Variants in TBCK observed in about 807,000 individuals in gnomAD.
TBCK encodes the protein TBC domain-containing protein kinase-like protein.
In TBCK, 99 loss-of-function variants were observed where a neutral mutation model predicts 113.4. That is an observed-to-expected ratio of 0.87 (90% CI 0.74 to 1.03). The LOEUF is 1.03. TBCK is among the 50% of genes least tolerant of loss of function. The pLI, the probability that TBCK is intolerant of heterozygous loss-of-function variation, is 0.00. For missense variants in TBCK, 1,045 were observed against 1,061.3 expected (o/e 0.98, Z 0.21); for synonymous variants, 369 against 370.8 (o/e 1.00, Z 0.05).
In TBCK at chr4:106,171,134, A is replaced by G; in HGVS notation, c.2196T>C (p.Tyr732=). 1 of 1,612,522 alleles carries G rather than the reference A, an allele frequency of 6.2e-7. No individual in the cohort carries two copies. Among genetic ancestry groups the G allele is most frequent in the Non-Finnish European group, 8.5e-7 (1 of 1,179,378 alleles). ...GAGGATCTGGACACTCAGCAGAGAA[A>G]TAAGGTGCCGAACTTCTGCCTCCAC... The part of the protein sequence containing the change: ...DSSGGRSSAP[Y]FSAECPDPPK... The change falls in exon 23 of 26, where the codon TAT becomes TAC. Residue 732 remains tyrosine, a synonymous_variant. Transcript: ENST00000394708.
At chr4:106,284,920 T>C (rs1029002718) in intron 3 of TBCK, among the ~76,000 whole-genome samples, 2 of 152,142 alleles carry the variant, frequency 1.3e-5, no homozygotes, top group African/African-American at 4.8e-5. Context: ...AGGGTAGCAT[T>C]AGGTAGATTA....
intron 20 of TBCK, among the ~76,000 whole-genome samples, chr4:106,203,150 C>A (rs930924477): frequency 3.3e-5 from 5 of 151,700 alleles, no homozygotes; most frequent in African/African-American, 1.2e-4. Context: ...GCAAGAAGAA[C>A]CAGAAATCAG....
chr4:106,288,246 T>G lies in TBCK; in HGVS notation c.266+6848A>C, dbSNP rs72876599. ...CTGTCTGTACTAAAATACAAAAAATTAGCCAGGCATGGCGGTGTATGCCTG... is the reference window on the plus strand; with the variant it reads ...CTGTCTGTACTAAAATACAAAAAATGAGCCAGGCATGGCGGTGTATGCCTG... On this transcript the variant is annotated intron_variant, in intron 3 of 25. Transcript: ENST00000394708. Among the ~76,000 whole-genome samples, 310 of 152,002 alleles carry G rather than the reference T, an allele frequency of 2.0e-3. 3 individuals are homozygous for G. Among genetic ancestry groups the G allele is most frequent in the African/African-American group, 7.0e-3 (292 of 41,478 alleles).
intron 20 of TBCK, among the ~76,000 whole-genome samples, chr4:106,199,681 T>C (rs1754664567): frequency 6.6e-6 from 1 of 152,142 alleles, no homozygotes; most frequent in African/African-American, 2.4e-5. Flanking sequence ...CCCTTTCAAT[T>C]GCTCAGGTAC....
chr4:106,240,838 T>G (rs1453793343), intron 12 of TBCK, among the ~76,000 whole-genome samples: 1 of 152,024 alleles, frequency 6.6e-6, no homozygotes, highest in Non-Finnish European at 1.5e-5. Context: ...GATAGACATG[T>G]GATAAAGCAT....
chr4:106,105,303 G>A (rs1321425175), intron 24 of TBCK, among the ~76,000 whole-genome samples: 1 of 152,180 alleles, frequency 6.6e-6, no homozygotes, highest in Non-Finnish European at 1.5e-5. Context: ...AGTGATTGAT[G>A]ACCTGCATCT....
At chr4:106,298,943 G>A (rs1265481136) in intron 2 of TBCK, among the ~76,000 whole-genome samples, 2 of 152,148 alleles carry the variant, frequency 1.3e-5, no homozygotes, top group African/African-American at 4.8e-5. Flanking sequence ...TGGGGGTGCT[G>A]GGGGCCTTCT....
At chr4:106,050,405 C>G (rs1016493284) in intron 25 of TBCK, among the ~76,000 whole-genome samples, 1 of 151,902 alleles carries the variant, frequency 6.6e-6, no homozygotes, top group Non-Finnish European at 1.5e-5. Flanking sequence ...TTTTTGAGTA[C>G]ATGTGAAACA....
At chr4:106,285,991 A>C (rs1226910090) in intron 3 of TBCK, among the ~76,000 whole-genome samples, 1 of 152,236 alleles carries the variant, frequency 6.6e-6, no homozygotes, top group Non-Finnish European at 1.5e-5. Context: ...TTCTCAGCAA[A>C]ATTAATTTAG....
At chr4:106,221,503 G>C (rs1220078166) in intron 19 of TBCK, among the ~76,000 whole-genome samples, 1 of 152,034 alleles carries the variant, frequency 6.6e-6, no homozygotes, top group East Asian at 1.9e-4. Flanking sequence ...TATTTACAAA[G>C]TTCTGTCTCT....
Position 106,266,357 on chromosome 4 carries a change from C to A in TBCK, c.267-4145G>T, listed in dbSNP as rs1325763249. 2.0e-5 allele frequency among the ~76,000 whole-genome samples: 3 copies of A among 151,756 alleles called. No homozygotes were observed. In the East Asian group the frequency reaches 5.8e-4, roughly 29 times the overall value. ...TCACACAACTCACAAAAAACTGATG[C>A]CATATTCAGCTATGACACTAGAGGA... On this transcript the variant is annotated intron_variant, in intron 3 of 25. Coordinates refer to ENST00000394708, the MANE Select transcript of TBCK (RefSeq NM_001163435.3).
chr4:106,262,060 A>G (rs1433304670), intron 4 of TBCK, 38 bp downstream of exon 4: 3 of 1,251,506 alleles, frequency 2.4e-6, no homozygotes, highest in South Asian at 2.9e-5. Context: ...CCAATTTCAA[A>G]TGATATATAA....
At chr4:106,142,118 T>G (rs994492382) in intron 23 of TBCK, among the ~76,000 whole-genome samples, 1 of 101,026 alleles carries the variant, frequency 9.9e-6, no homozygotes, top group Non-Finnish European at 2.5e-5. Context: ...TATAAAAGTT[T>G]AAAATTTGTT....
At chr4:106,052,689 A>G (rs1734941496) in intron 25 of TBCK, among the ~76,000 whole-genome samples, 1 of 151,718 alleles carries the variant, frequency 6.6e-6, no homozygotes, top group South Asian at 2.1e-4. Context: ...TTAATTTCCC[A>G]TTACCCAAAG....
chr4:106,066,763 TG>T (rs374191937), intron 25 of TBCK, among the ~76,000 whole-genome samples: 16 of 152,182 alleles, frequency 1.1e-4, no homozygotes, highest in Admixed American at 4.6e-4. Flanking sequence ...TTTATATAAA[TG>T]AAATTATACA....
chr4:106,214,505 C>T (rs964425972), intron 19 of TBCK, among the ~76,000 whole-genome samples: 1 of 151,650 alleles, frequency 6.6e-6, no homozygotes, highest in Non-Finnish European at 1.5e-5. Context: ...ATAACCAATA[C>T]AGAGAAGTGC....
intron 23 of TBCK, among the ~76,000 whole-genome samples, chr4:106,132,019 C>G (rs865819079): frequency 2.6e-5 from 4 of 152,166 alleles, no homozygotes; most frequent in Middle Eastern, 6.8e-3. Context: ...GTAAAGCATT[C>G]AAGAGGAAGC....
chr4:106,116,378 A>G lies in TBCK; in HGVS notation c.2236T>C (p.Ser746Pro). 1 of 1,597,710 alleles carries G rather than the reference A, an allele frequency of 6.3e-7. No homozygotes were observed. The highest frequency in any genetic ancestry group is 1.7e-4 in the Middle Eastern group (1 of 5,960). ...ECPDPPKTDL[S>P]RESIPLNDLK... ...TCATTTAATGGGATGGATTCTCTTGACTGAAAAAAAAAATGTACAAAAAAA... is the reference window on the plus strand; with the variant it reads ...TCATTTAATGGGATGGATTCTCTTGGCTGAAAAAAAAAATGTACAAAAAAA... Residue 746 changes from serine to proline, a missense_variant and splice_region_variant, in exon 24 of 26, where the codon TCA becomes CCA. Transcript: ENST00000394708.
chr4:106,135,475 C>T (rs1321721276), intron 23 of TBCK, among the ~76,000 whole-genome samples: 2 of 96,996 alleles, frequency 2.1e-5, no homozygotes, highest in East Asian at 5.2e-4. Flanking sequence ...TGTAAGATTC[C>T]ATGTATGGAA....
Sources: allele counts gnomAD v4.1 joint callset (sites outside exome capture counted in the v4.1 genomes callset), GRCh38; gene constraint gnomAD v4.1.1; transcripts MANE v1.5; gene names NCBI Gene and HGNC (gene_info 2026-07-23, HGNC 2026-07-21).